Variants in SPRR2B observed in about 807,000 individuals in gnomAD.
SPRR2B encodes the protein small proline rich protein 2B.
SPRR2B carries 1 observed loss-of-function variant against 1.0 expected under a neutral mutation model. That is an observed-to-expected ratio of 1.01 (90% CI 0.36 to 4.77). The LOEUF is 4.77. Among genes scored for constraint, SPRR2B ranks in the 30% most tolerant of loss-of-function variants. SPRR2B has a pLI of 0.16. For synonymous variants in SPRR2B, 27 were observed against 33.4 expected, an observed-to-expected ratio of 0.81 and a Z score of 0.66; for missense variants, 53 against 88.7, an observed-to-expected ratio of 0.60 and a Z score of 1.62.
chr1:153,074,428 C>T (rs1353266690), upstream of SPRR2B, among the ~76,000 whole-genome samples: 1 of 152,186 alleles, frequency 6.6e-6, no homozygotes, highest in Non-Finnish European at 1.5e-5. Flanking sequence ...AACTGCAATT[C>T]CCCATGCATA....
At chr1:153,074,559 T>C (rs1423993545), upstream of SPRR2B, among the ~76,000 whole-genome samples, 1 of 152,188 alleles carries the variant, frequency 6.6e-6, no homozygotes, top group Non-Finnish European at 1.5e-5. Context: ...GGTGGATGTT[T>C]TGGAAATTTG....
chr1:153,073,950 A>G (rs1258684273), upstream of SPRR2B, among the ~76,000 whole-genome samples: 1 of 152,172 alleles, frequency 6.6e-6, no homozygotes, highest in Non-Finnish European at 1.5e-5. Context: ...TATTAATTAT[A>G]TATTCACTCA....
the SPRR2B span, among the ~76,000 whole-genome samples, chr1:153,084,729 T>C: frequency 1.2e-4 from 19 of 152,132 alleles, no homozygotes; most frequent in Non-Finnish European, 2.8e-4. Flanking sequence ...CAAACAAGAA[T>C]GGACCCCACT....
the SPRR2B span, among the ~76,000 whole-genome samples, chr1:153,084,726 G>T: frequency 6.6e-6 from 1 of 152,112 alleles, no homozygotes; most frequent in East Asian, 1.9e-4. Context: ...ATACAAACAA[G>T]AATGGACCCC....
the SPRR2B span, among the ~76,000 whole-genome samples, chr1:153,079,408 C>CT: frequency 1.5e-4 from 23 of 152,236 alleles, no homozygotes; most frequent in Non-Finnish European, 2.5e-4. Context: ...GTTGACATTG[C>CT]TTTTGGTGTT....
chr1:153,070,496 G>T lies in SPRR2B; in HGVS notation c.*125C>A. 6.7e-7 allele frequency: 1 copy of T among 1,498,104 alleles called. No individual in the cohort carries two copies. The highest frequency in any genetic ancestry group is 9.0e-7 in the Non-Finnish European group (1 of 1,114,400). The allele number at this position is 1,498,104 out of a possible 1,614,324, so 92.8% of individuals were successfully genotyped here. On this transcript the variant is annotated 3_prime_UTR_variant, in exon 2 of 2. Transcript: ENST00000368755. ...AGGGAACATCATGGGCAGATCACAG[G>T]CTAAGGGGAAAGAAGCTCCCTATGA...
the SPRR2B span, among the ~76,000 whole-genome samples, chr1:153,079,907 C>T: frequency 7.9e-5 from 12 of 152,026 alleles, no homozygotes; most frequent in African/African-American, 2.4e-4. Flanking sequence ...TGAAGAAAGT[C>T]GTTGGTAACT....
the SPRR2B span, among the ~76,000 whole-genome samples, chr1:153,085,379 A>G: frequency 1.8e-4 from 28 of 152,316 alleles, 1 homozygote; most frequent in Middle Eastern, 0.024. Context: ...ATTTTTTGTT[A>G]TGTCATAATG....
chr1:153,072,223 T>G (rs1327178139), upstream of SPRR2B, among the ~76,000 whole-genome samples: 1 of 152,176 alleles, frequency 6.6e-6, no homozygotes, highest in Non-Finnish European at 1.5e-5. Context: ...TTACCTATAT[T>G]CCTTTTCCCT....
At chr1:153,077,985 C>G in the SPRR2B span, among the ~76,000 whole-genome samples, 95 of 151,744 alleles carry the variant, frequency 6.3e-4, no homozygotes, top group African/African-American at 2.2e-3. Flanking sequence ...CATTTTACTA[C>G]AAAAAAAATC....
the SPRR2B span, among the ~76,000 whole-genome samples, chr1:153,076,787 T>A: frequency 6.6e-6 from 1 of 152,256 alleles, no homozygotes; most frequent in African/African-American, 2.4e-5. Flanking sequence ...ATCCACTATC[T>A]GTGATCTACC....
At chr1:153,071,232 G>C (rs1045369464) in intron 1 of SPRR2B, among the ~76,000 whole-genome samples, 1 of 145,330 alleles carries the variant, frequency 6.9e-6, no homozygotes, top group Non-Finnish European at 1.6e-5. Flanking sequence ...CTTGGGCACA[G>C]AGCAAGGGCT....
At chr1:153,078,116 C>A in the SPRR2B span, among the ~76,000 whole-genome samples, 1 of 152,018 alleles carries the variant, frequency 6.6e-6, no homozygotes, top group Non-Finnish European at 1.5e-5. Flanking sequence ...TTCTCCCCAA[C>A]AACACAAATT....
upstream of SPRR2B, among the ~76,000 whole-genome samples, chr1:153,076,582 T>C (rs1654770131): frequency 1.3e-5 from 2 of 152,198 alleles, no homozygotes; most frequent in Non-Finnish European, 2.9e-5. Context: ...AAAATTCTAC[T>C]GTAAGTTTGA....
At chr1:153,085,436 C>T in the SPRR2B span, among the ~76,000 whole-genome samples, 1 of 144,260 alleles carries the variant, frequency 6.9e-6, no homozygotes, top group South Asian at 2.3e-4. Flanking sequence ...AGAAAAGAAT[C>T]CCAGAGTTCA....
chr1:153,079,190 G>C, the SPRR2B span, among the ~76,000 whole-genome samples: 1 of 150,354 alleles, frequency 6.7e-6, no homozygotes, highest in Non-Finnish European at 1.5e-5. Context: ...TATATCCTTC[G>C]CCCACTTTTT....
the SPRR2B span, among the ~76,000 whole-genome samples, chr1:153,086,384 T>C: frequency 2.0e-5 from 3 of 152,134 alleles, no homozygotes; most frequent in Non-Finnish European, 2.9e-5. Context: ...CATCCTAATT[T>C]CAGTCAAAAG....
chr1:153,077,945 A>C, the SPRR2B span, among the ~76,000 whole-genome samples: 77 of 152,236 alleles, frequency 5.1e-4, no homozygotes, highest in African/African-American at 1.6e-3. Context: ...AATGTTTTCG[A>C]GTATACACAA....
the SPRR2B span, among the ~76,000 whole-genome samples, chr1:153,086,703 C>G: frequency 2.6e-5 from 4 of 152,182 alleles, no homozygotes; most frequent in Admixed American, 6.5e-5. Flanking sequence ...TTATTCACTA[C>G]CAAAACTTAG....
Sources: allele counts gnomAD v4.1 joint callset (sites outside exome capture counted in the v4.1 genomes callset), GRCh38; gene constraint gnomAD v4.1.1; transcripts MANE v1.5; gene names NCBI Gene and HGNC (gene_info 2026-07-23, HGNC 2026-07-21).